PGM3: variants seen among roughly 807,000 people sequenced by gnomAD.
The protein encoded by PGM3 is phosphoacetylglucosamine mutase.
PGM3 carries 40 observed loss-of-function variants against 66.2 expected under a neutral mutation model. The ratio of observed to expected loss-of-function variants is 0.60; its 90% CI spans 0.47 to 0.79. The LOEUF is 0.79. Among genes scored for constraint, PGM3 ranks in the 30% least tolerant of loss-of-function variants. PGM3 has a pLI of 0.00. For synonymous variants in PGM3, 191 were observed against 224.2 expected (o/e 0.85, Z 1.32); for missense variants, 537 against 643.4 (o/e 0.83, Z 1.79).
At chr6:83,192,827 AAAGTT>A (rs1422048334) in intron 1 of PGM3, among the ~76,000 whole-genome samples, 1 of 152,100 alleles carries the variant, frequency 6.6e-6, no homozygotes. Flanking sequence ...GTCCACGCAA[AAAGTT>A]AAGAGTATCC....
downstream of PGM3, among the ~76,000 whole-genome samples, chr6:83,163,196 C>G (rs559219511): frequency 1.1e-4 from 17 of 151,978 alleles, no homozygotes; most frequent in African/African-American, 4.1e-4. Flanking sequence ...AAAATGTTTT[C>G]CCCTCAAAAA....
At chr6:83,162,112 A>G (rs1168759108), downstream of PGM3, among the ~76,000 whole-genome samples, 1 of 152,186 alleles carries the variant, frequency 6.6e-6, no homozygotes, top group African/African-American at 2.4e-5. Flanking sequence ...TTGTGTGAAT[A>G]TATACTCTTT....
At position 83,166,253 on chromosome 6, in the gene PGM3, G is replaced by C; in HGVS notation, c.*2981C>G. ...ATAAAATGGTCAACATTGAGTTCTT[G>C]GGCAGCTCTCTTATAGTTGTAAGAG... On this transcript the variant is annotated 3_prime_UTR_variant, in exon 13 of 13. Transcript: ENST00000513973. 1.9e-6 allele frequency: 1 copy of C among 524,876 alleles called. No homozygotes were observed. The highest frequency in any genetic ancestry group is 2.9e-5 in the East Asian group (1 of 33,908). The allele number at this position is 524,876 out of a possible 1,614,324, so 32.5% of individuals were successfully genotyped here. A position where few individuals can be genotyped will look rare whatever the true frequency, so the allele number is the denominator to read the frequency against.
rs1051553295 is a variant in PGM3 at position 83,186,435 on chromosome 6, C to T, written c.457+573G>A. ...GGAGGTTTCAAAGGTCAAGAGTGGA[C>T]GTTTGTTTTAATGAGAAAGATCTCA... On this transcript the variant is annotated intron_variant, in intron 4 of 12. Transcript: ENST00000513973. Among the ~76,000 whole-genome samples the T allele has an allele frequency of 2.0e-5, 3 of 152,042 alleles. No individual in the cohort carries two copies. In the South Asian group the frequency reaches 6.2e-4, roughly 32 times the overall value.
At chr6:83,173,251 G>A (rs941764025) in intron 10 of PGM3, among the ~76,000 whole-genome samples, 1 of 152,102 alleles carries the variant, frequency 6.6e-6, no homozygotes, top group Non-Finnish European at 1.5e-5. Context: ...GATAAAATAC[G>A]AACAATGAGG....
downstream of PGM3, among the ~76,000 whole-genome samples, chr6:83,157,576 A>G (rs894458751): frequency 3.3e-5 from 5 of 152,232 alleles, no homozygotes; most frequent in Admixed American, 6.5e-5. Context: ...TTTAGTGTTT[A>G]GTCTGTACTA....
At chr6:83,156,881 TGG>T (rs1782924695), downstream of PGM3, among the ~76,000 whole-genome samples, 1 of 152,226 alleles carries the variant, frequency 6.6e-6, no homozygotes, top group Admixed American at 6.5e-5. Context: ...GTATGGTCCA[TGG>T]ACCAGTAACC....
At chr6:83,188,826 T>C in intron 2 of PGM3, 28 bp from the exon 3 acceptor site, 3 of 1,593,130 alleles carry the variant, frequency 1.9e-6, no homozygotes, top group Non-Finnish European at 2.6e-6. Context: ...CAATAAGCAA[T>C]CTGTGCATAC....
intron 5 of PGM3, among the ~76,000 whole-genome samples, chr6:83,182,254 C>G (rs1788228715): frequency 6.6e-6 from 1 of 152,116 alleles, no homozygotes; most frequent in African/African-American, 2.4e-5. Context: ...AGAATAAGCA[C>G]ACAGACAAAT....
chr6:83,149,607 G>C, the PGM3 span, among the ~76,000 whole-genome samples: 1 of 152,146 alleles, frequency 6.6e-6, no homozygotes, highest in Non-Finnish European at 1.5e-5. Context: ...ATGTGGTCTT[G>C]AAAGGGAGTG....
intron 4 of PGM3, among the ~76,000 whole-genome samples, chr6:83,186,422 G>C (rs1449452452): frequency 1.3e-5 from 2 of 152,144 alleles, no homozygotes; most frequent in Non-Finnish European, 2.9e-5. Flanking sequence ...AGGTTTCAAA[G>C]GTCAAGAGTG....
chr6:83,191,375 A>C, intron 1 of PGM3: 2 of 700,648 alleles, frequency 2.9e-6, no homozygotes, highest in South Asian at 1.8e-5. Context: ...CTCAAAGATC[A>C]TTTCATTTTA....
intron 4 of PGM3, among the ~76,000 whole-genome samples, chr6:83,186,066 G>A (rs1052375193): frequency 3.3e-5 from 5 of 152,148 alleles, no homozygotes; most frequent in African/African-American, 9.7e-5. Flanking sequence ...AGTATCTGAG[G>A]AGAGGTACGC....
chr6:83,159,121 A>G (rs1005537561), downstream of PGM3, among the ~76,000 whole-genome samples: 1 of 152,204 alleles, frequency 6.6e-6, no homozygotes, highest in Admixed American at 6.5e-5. Flanking sequence ...TTTCTTGAAT[A>G]TATTTTCTTC....
Position 83,175,129 on chromosome 6 carries a change from C to T in PGM3, c.1129-642G>A, listed in dbSNP as rs987441230. Among the ~76,000 whole-genome samples the T allele has an allele frequency of 3.3e-5, 5 of 152,168 alleles. No homozygotes were observed. The South Asian group carries it at 8.3e-4, about 25-fold the overall frequency. On this transcript the variant is annotated intron_variant, in intron 9 of 12. Coordinates refer to ENST00000513973, the MANE Select transcript of PGM3 (RefSeq NM_015599.3). ...ACATTTTTCTTGATAAAATAAGGCA[C>T]AGGCTAGTCACCTGTTTTTGTAAAG...
At chr6:83,150,591 AGATATT>A in the PGM3 span, among the ~76,000 whole-genome samples, 55 of 152,206 alleles carry the variant, frequency 3.6e-4, no homozygotes, top group Non-Finnish European at 7.2e-4. Context: ...ATTAAAAAAT[AGATATT>A]GATATGAAGG....
In PGM3 at chr6:83,190,902, A is replaced by G. The variant is rs1788989545; in HGVS notation, c.111T>C (p.His37=). 6.2e-7 allele frequency: 1 copy of G among 1,614,138 alleles called. No homozygotes were observed. The highest frequency in any genetic ancestry group is 8.5e-7 in the Non-Finnish European group (1 of 1,179,976). The change falls in exon 2 of 13, where the codon CAT becomes CAC. Residue 37 remains histidine (H), a synonymous_variant. Coordinates refer to ENST00000513973, the MANE Select transcript of PGM3 (RefSeq NM_015599.3). ...CTAATAATCCCATGCGAAACATGAC[A>G]TGATCAAGATGTTCTGCCTTCGTTC... ...GFRTKAEHLD[H]VMFRMGLLAV...
chr6:83,163,897 ATT>A (rs368046214), downstream of PGM3, among the ~76,000 whole-genome samples: 149 of 152,082 alleles, frequency 9.8e-4, 1 homozygote, highest in African/African-American at 3.2e-3. Flanking sequence ...TTTGTAAAAT[ATT>A]GTCTTATATA....
At chr6:83,162,818 T>G (rs1303854293), downstream of PGM3, 3 of 1,613,246 alleles carry the variant, frequency 1.9e-6, no homozygotes, top group African/African-American at 1.3e-5. Context: ...TCCAGAAGCC[T>G]CAGATGATTC....
Sources: allele counts gnomAD v4.1 joint callset (sites outside exome capture counted in the v4.1 genomes callset), GRCh38; gene constraint gnomAD v4.1.1; transcripts MANE v1.5; gene names NCBI Gene and HGNC (gene_info 2026-07-23, HGNC 2026-07-21).